The following PCDH15 variants were observed in gnomAD, a reference collection of about 807,000 sequenced individuals.
The protein encoded by PCDH15 is protocadherin related 15.
PCDH15 carries 129 observed loss-of-function variants against 178.5 expected under a neutral mutation model. The observed-to-expected ratio is 0.72, with a 90% CI of 0.63 to 0.84. The LOEUF (loss-of-function observed/expected upper bound fraction) is 0.84, where lower values mean the gene tolerates loss of function less well. Among genes scored for constraint, PCDH15 ranks in the 40% least tolerant of loss-of-function variants. The pLI is 0.00. For synonymous variants in PCDH15, 800 were observed against 732.0 expected (o/e 1.09, Z -1.50); for missense variants, 2,230 against 2,099.9 (o/e 1.06, Z -1.21).
intron 2 of PCDH15, among the ~76,000 whole-genome samples, chr10:54,973,938 A>G (rs184997487): frequency 1.0e-3 from 158 of 152,248 alleles, no homozygotes; most frequent in Non-Finnish European, 9.4e-4. Context: ...GTAGATAAGT[A>G]TACTACTTGT....
In PCDH15 at chr10:53,840,394, G is replaced by A; in HGVS notation, c.3909C>T (p.Tyr1303=). Residue 1303 remains tyrosine (Y), a synonymous_variant, in exon 29 of 38, where the codon TAC becomes TAT. Transcript: ENST00000644397. ...CATAGACAGTCAAGTCACATTTGGTGTAATCTTCTAGGGAAAAGGCATCTC... is the reference window on the plus strand; with the variant it reads ...CATAGACAGTCAAGTCACATTTGGTATAATCTTCTAGGGAAAAGGCATCTC... ...RHGDAFSLED[Y]TKCDLTVYAI... is the part of the protein sequence containing the mutation. 2 of 1,614,064 alleles carry A rather than the reference G, an allele frequency of 1.2e-6. No homozygotes were observed. The highest frequency in any genetic ancestry group is 1.3e-5 in the African/African-American group (1 of 75,032).
intron 2 of PCDH15, among the ~76,000 whole-genome samples, chr10:55,030,876 A>G (rs1840593313): frequency 6.6e-6 from 1 of 152,204 alleles, no homozygotes; most frequent in African/African-American, 2.4e-5. Flanking sequence ...AAATGGTAAA[A>G]GAAGCAAGCT....
At chr10:54,987,079 T>C (rs1373831765) in intron 2 of PCDH15, among the ~76,000 whole-genome samples, 1 of 152,060 alleles carries the variant, frequency 6.6e-6, no homozygotes, top group African/African-American at 2.4e-5. Context: ...TGTGTTCTCA[T>C]TGTTCAACTC....
At chr10:55,453,976 AT>A (rs1225734775) in intron 2 of PCDH15, among the ~76,000 whole-genome samples, 1 of 152,184 alleles carries the variant, frequency 6.6e-6, no homozygotes, top group Non-Finnish European at 1.5e-5. Flanking sequence ...AAGGAAAAAA[AT>A]GTTTTTTACT....
chr10:54,060,491 T>G (rs981851127), intron 18 of PCDH15, among the ~76,000 whole-genome samples: 3 of 152,182 alleles, frequency 2.0e-5, no homozygotes, highest in Admixed American at 6.5e-5. Flanking sequence ...ATAATAAAAA[T>G]TAAGTGCATA....
intron 2 of PCDH15, among the ~76,000 whole-genome samples, chr10:54,628,058 G>A (rs891104936): frequency 6.6e-6 from 1 of 152,106 alleles, no homozygotes; most frequent in Non-Finnish European, 1.5e-5. Context: ...GCCTTTATTT[G>A]AAATGTGTAA....
intron 18 of PCDH15, among the ~76,000 whole-genome samples, chr10:54,031,499 T>C (rs1186264535): frequency 1.3e-5 from 2 of 151,672 alleles, no homozygotes; most frequent in Non-Finnish European, 2.9e-5. Flanking sequence ...TTGTGGAGTG[T>C]ACAATGTATG....
chr10:55,563,975 A>C (rs1039907207), intron 2 of PCDH15, among the ~76,000 whole-genome samples: 3 of 151,970 alleles, frequency 2.0e-5, no homozygotes, highest in Non-Finnish European at 2.9e-5. Context: ...AAGCTATATG[A>C]ATAAGTATAT....
chr10:54,014,518 A>G (rs921772492), intron 20 of PCDH15, among the ~76,000 whole-genome samples: 1 of 152,162 alleles, frequency 6.6e-6, no homozygotes, highest in African/African-American at 2.4e-5. Context: ...AAAATCTTCA[A>G]CAAAATACTG....
At position 55,435,803 on chromosome 10, in the gene PCDH15, T is replaced by C. The variant is rs1425331133; in HGVS notation, c.-156+191822A>G. Among the ~76,000 whole-genome samples the C allele has an allele frequency of 2.0e-5, 3 of 152,166 alleles. No homozygotes were observed. The East Asian group carries it at 5.8e-4, about 29-fold the overall frequency. On this transcript the variant is annotated intron_variant, in intron 2 of 5. Coordinates refer to the PCDH15 transcript ENST00000613346. ...AGTACATTGGCAGAGAAGTTACATA[T>C]ATTTACAATAATAAAGACACATTAA... is the stretch of plus-strand genomic sequence containing the variant.
At chr10:54,892,670 T>C (rs943718374) in intron 3 of PCDH15, among the ~76,000 whole-genome samples, 2 of 150,296 alleles carry the variant, frequency 1.3e-5, no homozygotes, top group Admixed American at 1.3e-4. Context: ...GAATATTCCA[T>C]CACTGAATTA....
chr10:54,234,670 A>G (rs953099751), intron 9 of PCDH15, among the ~76,000 whole-genome samples: 5 of 152,208 alleles, frequency 3.3e-5, no homozygotes, highest in African/African-American at 1.2e-4. Context: ...CAATTTCCAG[A>G]GGCTACACTC....
At chr10:54,613,310 G>A (rs2093023012) in intron 2 of PCDH15, among the ~76,000 whole-genome samples, 2 of 151,832 alleles carry the variant, frequency 1.3e-5, no homozygotes, top group African/African-American at 4.8e-5. Context: ...AATTTGTAGA[G>A]AATGTGAATG....
chr10:53,808,724 C>G, intron 37 of PCDH15: 1 of 1,612,958 alleles, frequency 6.2e-7, no homozygotes, highest in South Asian at 1.1e-5. Context: ...TCAGAGTTTG[C>G]TCCTGGCGAC....
intron 1 of PCDH15, among the ~76,000 whole-genome samples, chr10:54,790,704 GAT>G (rs1294780524): frequency 4.6e-5 from 7 of 151,786 alleles, no homozygotes; most frequent in African/African-American, 7.3e-5. Flanking sequence ...TACACGTGAA[GAT>G]ATATATGTTT....
At chr10:53,960,554 A>G (rs1036795244) in intron 22 of PCDH15, among the ~76,000 whole-genome samples, 4 of 152,240 alleles carry the variant, frequency 2.6e-5, no homozygotes, top group East Asian at 1.9e-4. Context: ...AATAACCTAC[A>G]TTACATCAAA....
intron 5 of PCDH15, among the ~76,000 whole-genome samples, chr10:54,366,161 T>C (rs1192977509): frequency 2.6e-5 from 4 of 152,122 alleles, no homozygotes; most frequent in Non-Finnish European, 4.4e-5. Flanking sequence ...TTCTCAGTTT[T>C]CTCATGGTGA....
intron 18 of PCDH15, among the ~76,000 whole-genome samples, chr10:54,050,057 T>A (rs1330546116): frequency 6.6e-6 from 1 of 152,138 alleles, no homozygotes; most frequent in East Asian, 1.9e-4. Context: ...GATTTTAGTA[T>A]CAGAATGCTG....
At chr10:55,043,226 C>G (rs191023603) in intron 2 of PCDH15, among the ~76,000 whole-genome samples, 103 of 152,146 alleles carry the variant, frequency 6.8e-4, no homozygotes, top group African/African-American at 2.3e-3. Flanking sequence ...ACCCTCCTCT[C>G]AATTCCTACT....
Sources: allele counts gnomAD v4.1 joint callset (sites outside exome capture counted in the v4.1 genomes callset), GRCh38; gene constraint gnomAD v4.1.1; transcripts MANE v1.5; gene names NCBI Gene and HGNC (gene_info 2026-07-23, HGNC 2026-07-21).